ITGB6: variants seen among roughly 807,000 people sequenced by gnomAD.
The protein encoded by ITGB6 is integrin beta-6.
ITGB6 carries 80 observed loss-of-function variants against 84.5 expected under a neutral mutation model. The ratio of observed to expected loss-of-function variants is 0.95; its 90% CI spans 0.79 to 1.14. The LOEUF (loss-of-function observed/expected upper bound fraction) is 1.14, where lower values mean the gene tolerates loss of function less well. Ranked by LOEUF, ITGB6 falls within the 50% of genes most tolerant of loss-of-function variation. The pLI is 0.00. For missense variants in ITGB6, 1,006 were observed against 968.0 expected, an observed-to-expected ratio of 1.04 and a Z score of -0.52; for synonymous variants, 383 against 354.9, an observed-to-expected ratio of 1.08 and a Z score of -0.89.
At chr2:160,135,746 G>A (rs1270869606) in intron 10 of ITGB6, among the ~76,000 whole-genome samples, 2 of 151,840 alleles carry the variant, frequency 1.3e-5, no homozygotes, top group African/African-American at 2.4e-5. Flanking sequence ...CAGAAATAAT[G>A]CCACATATCT....
At chr2:160,148,171 A>C (rs1684270164) in intron 7 of ITGB6, among the ~76,000 whole-genome samples, 1 of 152,254 alleles carries the variant, frequency 6.6e-6, no homozygotes. Flanking sequence ...ATTACCAAAG[A>C]AGATACAGAG....
chr2:160,117,491 A>G (rs761607601), intron 12 of ITGB6, among the ~76,000 whole-genome samples: 1 of 152,252 alleles, frequency 6.6e-6, no homozygotes, highest in Non-Finnish European at 1.5e-5. Context: ...AACATACCAG[A>G]ATCTCTGGGA....
chr2:160,120,826 C>A lies in ITGB6; in HGVS notation c.1981+2965G>T, dbSNP rs796546025. ...TATCGCAAGGACAGAAAACCAAACACCACATGTTCTCACTCATAGGTGGGA... is the reference window on the plus strand; with the variant it reads ...TATCGCAAGGACAGAAAACCAAACAACACATGTTCTCACTCATAGGTGGGA... On this transcript the variant is annotated intron_variant, in intron 12 of 14. Transcript: ENST00000283249. 7.2e-4 allele frequency among the ~76,000 whole-genome samples: 107 copies of A among 148,356 alleles called. 1 individual carries two copies. The highest frequency in any genetic ancestry group is 2.6e-3 in the African/African-American group (102 of 39,994).
chr2:160,108,230 T>TGTGTGTGG (rs1279342032), intron 13 of ITGB6, among the ~76,000 whole-genome samples: 1 of 151,244 alleles, frequency 6.6e-6, no homozygotes, highest in Non-Finnish European at 1.5e-5. Flanking sequence ...TGTGTGTGTG[T>TGTGTGTGG]GTGTGTGTGT....
intron 4 of ITGB6, among the ~76,000 whole-genome samples, chr2:160,188,636 C>T (rs1686006553): frequency 6.6e-6 from 1 of 151,368 alleles, no homozygotes; most frequent in South Asian, 2.1e-4. Context: ...TGTAGTCTCG[C>T]TCTGTCACCC....
chr2:160,196,425 A>G lies in ITGB6; in HGVS notation c.142-5T>C, dbSNP rs963468159. ...TCCAGATGGATGAGTAAAATTCTAA[A>G]AAAGAAAAAGAAAAACAATAACCAG... On this transcript the variant is annotated splice_polypyrimidine_tract_variant and splice_region_variant and intron_variant, in intron 2 of 14. Transcript: ENST00000283249. 6.3e-7 allele frequency: 1 copy of G among 1,588,250 alleles called. No individual in the cohort carries two copies.
intron 4 of ITGB6, among the ~76,000 whole-genome samples, chr2:160,194,807 G>A (rs1355784424): frequency 6.6e-6 from 1 of 152,196 alleles, no homozygotes; most frequent in Non-Finnish European, 1.5e-5. Context: ...TATAGCATAT[G>A]AGAATGGAGT....
In ITGB6 at chr2:160,139,041, A is replaced by G. The variant is rs76962899; in HGVS notation, c.1108-842T>C. ...GGGGAAAGTGTGCCTTAAAATCAAT[A>G]TTGGAATGTATTTAGTGTAGAGTTA... On this transcript the variant is annotated intron_variant, in intron 8 of 14. Transcript: ENST00000283249. Among the ~76,000 whole-genome samples, 160 of 152,240 alleles carry G rather than the reference A, an allele frequency of 1.1e-3. 1 individual carries two copies. In the East Asian group the frequency reaches 0.027, roughly 26 times the overall value.
intron 4 of ITGB6, among the ~76,000 whole-genome samples, chr2:160,188,606 CTT>C (rs36050555): frequency 2.8e-5 from 4 of 143,554 alleles, no homozygotes; most frequent in Admixed American, 7.0e-5. Flanking sequence ...TCATTCAATT[CTT>C]TTTTTTTTTT....
intron 10 of ITGB6, among the ~76,000 whole-genome samples, chr2:160,129,740 G>T (rs1484524252): frequency 6.6e-6 from 1 of 152,094 alleles, no homozygotes; most frequent in Non-Finnish European, 1.5e-5. Flanking sequence ...GTAAACTTTG[G>T]TCTAGTAAGT....
At chr2:160,171,330 TTTTTTTA>T (rs1192293342) in intron 6 of ITGB6, among the ~76,000 whole-genome samples, 7 of 98,280 alleles carry the variant, frequency 7.1e-5, no homozygotes, top group African/African-American at 1.5e-4. Flanking sequence ...ATCAAATTTA[TTTTTTTA>T]TTTTTTTTTT....
intron 4 of ITGB6, among the ~76,000 whole-genome samples, chr2:160,179,284 CTTATTACCTTT>C (rs1365638343): frequency 5.3e-5 from 8 of 151,656 alleles, no homozygotes; most frequent in East Asian, 1.9e-4. Flanking sequence ...TTCACATGGA[CTTATTACCTTT>C]GCAATAAGAA....
At chr2:160,146,723 T>C (rs1684207165) in intron 7 of ITGB6, among the ~76,000 whole-genome samples, 1 of 152,142 alleles carries the variant, frequency 6.6e-6, no homozygotes, top group African/African-American at 2.4e-5. Context: ...CAGCGTAACA[T>C]ACAGAGTGTG....
chr2:160,164,589 G>A (rs1432698369), intron 7 of ITGB6, among the ~76,000 whole-genome samples: 3 of 152,040 alleles, frequency 2.0e-5, no homozygotes, highest in South Asian at 2.1e-4. Flanking sequence ...CTAGCTACTC[G>A]GGAGGCTAGG....
intron 4 of ITGB6, among the ~76,000 whole-genome samples, chr2:160,193,131 G>A (rs1686204654): frequency 6.6e-6 from 1 of 152,132 alleles, no homozygotes. Context: ...CAGTTTAGGT[G>A]TCTATCAAAG....
At chr2:160,131,703 C>A (rs1683476493) in intron 10 of ITGB6, among the ~76,000 whole-genome samples, 1 of 152,138 alleles carries the variant, frequency 6.6e-6, no homozygotes, top group Non-Finnish European at 1.5e-5. Flanking sequence ...TTTTGAGAAA[C>A]AGTAATGGTT....
chr2:160,152,253 A>G (rs1320635909), intron 7 of ITGB6, among the ~76,000 whole-genome samples: 1 of 152,232 alleles, frequency 6.6e-6, no homozygotes, highest in Non-Finnish European at 1.5e-5. Flanking sequence ...ATCCACCATG[A>G]TCAAGTTGGC....
chr2:160,138,427 C>T (rs774528766), intron 8 of ITGB6, among the ~76,000 whole-genome samples: 24 of 152,144 alleles, frequency 1.6e-4, no homozygotes, highest in Admixed American at 8.5e-4. Context: ...CATTATCTTA[C>T]GACAATTAAA....
chr2:160,149,118 G>A (rs1684306516), intron 7 of ITGB6, among the ~76,000 whole-genome samples: 1 of 152,264 alleles, frequency 6.6e-6, no homozygotes, highest in South Asian at 2.1e-4. Context: ...CTGCGTTTGA[G>A]CTCTGAGAAC....
Sources: allele counts gnomAD v4.1 joint callset (sites outside exome capture counted in the v4.1 genomes callset), GRCh38; gene constraint gnomAD v4.1.1; transcripts MANE v1.5; gene names NCBI Gene and HGNC (gene_info 2026-07-23, HGNC 2026-07-21).